NAV3: variants seen among roughly 807,000 people sequenced by gnomAD.
NAV3 encodes pore membrane and/or filament interacting like protein 1.
In NAV3, 87 loss-of-function variants were observed where a neutral mutation model predicts 244.7. The ratio of observed to expected loss-of-function variants is 0.36; its 90% CI spans 0.30 to 0.42. NAV3 has a LOEUF of 0.42. NAV3 is among the 20% of genes least tolerant of loss of function. The probability of loss-of-function intolerance (pLI) is 1.00; values close to 1 mark genes in which losing one functional copy is unlikely to be tolerated. For synonymous variants in NAV3, 1,126 were observed against 1,042.2 expected, an observed-to-expected ratio of 1.08 and a Z score of -1.55; for missense variants, 2,663 against 2,893.3, an observed-to-expected ratio of 0.92 and a Z score of 1.83.
At chr12:77,965,391 G>A (rs755280020) in intron 3 of NAV3, among the ~76,000 whole-genome samples, 1 of 152,138 alleles carries the variant, frequency 6.6e-6, no homozygotes, top group Admixed American at 6.6e-5. Context: ...AGGCCAAGGC[G>A]GGTGGATCAC....
intron 1 of NAV3, among the ~76,000 whole-genome samples, chr12:77,869,957 A>G (rs928119051): frequency 1.3e-5 from 2 of 152,222 alleles, no homozygotes; most frequent in Non-Finnish European, 2.9e-5. Flanking sequence ...GCATTGGATT[A>G]TGAGATAAAC....
intron 6 of NAV3, among the ~76,000 whole-genome samples, chr12:77,996,578 C>T (rs1872381570): frequency 6.6e-6 from 1 of 151,932 alleles, no homozygotes; most frequent in South Asian, 2.1e-4. Context: ...TCCTGATATT[C>T]ACTCTATTTT....
rs117648499 is a variant in NAV3 at position 78,028,194 on chromosome 12, T to C, written c.2023+6332T>C. On this transcript the variant is annotated intron_variant, in intron 9 of 39. Transcript: ENST00000397909. ...TGAAAATGAAGATCTCAATTGTGTA[T>C]TGAAAGAGTGGATCCATCAGTGTCA... Among the ~76,000 whole-genome samples, 208 of 152,220 alleles carry C rather than the reference T, an allele frequency of 1.4e-3. 3 individuals are homozygous for C. In the East Asian group the frequency reaches 0.018, roughly 13 times the overall value.
At chr12:77,623,979 C>A (rs557027467) in intron 2 of NAV3, among the ~76,000 whole-genome samples, 2 of 152,242 alleles carry the variant, frequency 1.3e-5, no homozygotes, top group Admixed American at 1.3e-4. Context: ...TTTTAAGTAT[C>A]CATTGTGTGT....
At chr12:77,837,524 T>C (rs1874871934) in intron 1 of NAV3, among the ~76,000 whole-genome samples, 1 of 152,124 alleles carries the variant, frequency 6.6e-6, no homozygotes, top group Admixed American at 6.6e-5. Flanking sequence ...TTATTATTCT[T>C]CCCGTTTTAC....
intron 2 of NAV3, among the ~76,000 whole-genome samples, chr12:77,642,870 T>A (rs922683517): frequency 1.3e-5 from 2 of 152,146 alleles, no homozygotes; most frequent in African/African-American, 4.8e-5. Context: ...ATTATTAATA[T>A]GAAAGCTAAT....
chr12:77,756,939 A>C (rs565538450), intron 2 of NAV3, among the ~76,000 whole-genome samples: 33 of 152,308 alleles, frequency 2.2e-4, no homozygotes, highest in Admixed American at 2.0e-3. Context: ...AAAAGATTTT[A>C]GTTACTACTC....
intron 3 of NAV3, among the ~76,000 whole-genome samples, chr12:77,962,799 A>T (rs1461904107): frequency 2.0e-5 from 3 of 152,174 alleles, no homozygotes; most frequent in African/African-American, 7.2e-5. Flanking sequence ...ACAGTGCACT[A>T]GGAAGCATCA....
intron 2 of NAV3, among the ~76,000 whole-genome samples, chr12:77,638,320 C>G (rs1299075504): frequency 6.6e-6 from 1 of 151,986 alleles, no homozygotes; most frequent in Non-Finnish European, 1.5e-5. Context: ...ATAGATCTTA[C>G]CACCCTGAAG....
chr12:78,040,298 C>T (rs549638807), intron 9 of NAV3, among the ~76,000 whole-genome samples: 1 of 151,924 alleles, frequency 6.6e-6, no homozygotes, highest in South Asian at 2.1e-4. Context: ...AAGAAAAGGT[C>T]CATTTGTCTG....
chr12:77,645,536 T>TAAAAAAAAAA lies in NAV3; in HGVS notation c.72+73285_72+73294dup. ...GAATTCATGGAGAGCTCTCTCTCTC[T>TAAAAAAAAAA]AAAAAAAAAAAAAAAAAAAAAAAAC... On this transcript the variant is annotated intron_variant, in intron 2 of 8. Coordinates refer to the NAV3 transcript ENST00000550042. Among the ~76,000 whole-genome samples, 299 of 62,986 alleles carry TAAAAAAAAAA rather than the reference T, an allele frequency of 4.7e-3. 8 individuals are homozygous for TAAAAAAAAAA. The highest frequency in any genetic ancestry group is 0.021 in the Middle Eastern group (2 of 96). The allele number at this position is 62,986 out of a possible 152,430, so 41.3% of individuals were successfully genotyped here.
chr12:77,761,963 G>C (rs1449463987), intron 2 of NAV3, among the ~76,000 whole-genome samples: 1 of 140,770 alleles, frequency 7.1e-6, no homozygotes, highest in African/African-American at 2.8e-5. Context: ...TTCTACTATA[G>C]AGACACATGC....
intron 2 of NAV3, among the ~76,000 whole-genome samples, chr12:77,823,506 A>G (rs997736440): frequency 2.0e-5 from 3 of 152,248 alleles, no homozygotes; most frequent in Non-Finnish European, 2.9e-5. Context: ...CCCCAGCCAG[A>G]GTGAAAAGAC....
chr12:77,945,466 CG>C (rs1890251100), intron 3 of NAV3, among the ~76,000 whole-genome samples: 2 of 151,920 alleles, frequency 1.3e-5, no homozygotes, highest in Admixed American at 1.3e-4. Context: ...GGATTATGGC[CG>C]GAACAGGGAA....
chr12:77,713,208 A>G (rs1443610457), intron 2 of NAV3, among the ~76,000 whole-genome samples: 2 of 152,228 alleles, frequency 1.3e-5, no homozygotes, highest in African/African-American at 2.4e-5. Context: ...CAAGTAATTT[A>G]TCTTATTATA....
chr12:77,787,088 A>T (rs541452275), intron 2 of NAV3, among the ~76,000 whole-genome samples: 32 of 152,168 alleles, frequency 2.1e-4, no homozygotes, highest in African/African-American at 7.0e-4. Context: ...GACAGCTGGG[A>T]AGAAGCAGAG....
intron 1 of NAV3, among the ~76,000 whole-genome samples, chr12:77,852,562 A>AATAC: frequency 6.6e-6 from 1 of 151,674 alleles, no homozygotes; most frequent in Middle Eastern, 3.4e-3. Flanking sequence ...TAAATAAATA[A>AATAC]ATAAATAAAT....
intron 12 of NAV3, among the ~76,000 whole-genome samples, chr12:78,102,155 A>G (rs995506669): frequency 2.6e-5 from 4 of 152,178 alleles, no homozygotes; most frequent in Non-Finnish European, 4.4e-5. Context: ...CCCTTCCACT[A>G]TGAGCCTGTA....
intron 23 of NAV3, among the ~76,000 whole-genome samples, chr12:78,163,993 A>G (rs1957675689): frequency 1.3e-5 from 2 of 151,960 alleles, no homozygotes; most frequent in Non-Finnish European, 2.9e-5. Context: ...GGAAATTGCT[A>G]CTCAAATCAT....
Sources: allele counts gnomAD v4.1 joint callset (sites outside exome capture counted in the v4.1 genomes callset), GRCh38; gene constraint gnomAD v4.1.1; transcripts MANE v1.5; gene names NCBI Gene and HGNC (gene_info 2026-07-23, HGNC 2026-07-21).